Variants in LRRC69 observed in about 807,000 individuals in gnomAD.
The protein encoded by LRRC69 is leucine-rich repeat-containing protein 69.
In LRRC69, 42 loss-of-function variants were observed where a neutral mutation model predicts 37.8. The ratio of observed to expected loss-of-function variants is 1.11; its 90% confidence interval spans 0.87 to 1.44. The LOEUF (loss-of-function observed/expected upper bound fraction) is 1.44. LRRC69 is among the 40% of genes most tolerant of loss of function. LRRC69 has a pLI of 0.00. For synonymous variants in LRRC69, 141 were observed against 143.1 expected (o/e 0.99, Z 0.11); for missense variants, 357 against 401.9 (o/e 0.89, Z 0.96).
chr8:91,115,415 C>G (rs990059330), intron 1 of LRRC69, among the ~76,000 whole-genome samples: 2 of 152,032 alleles, frequency 1.3e-5, no homozygotes, highest in Admixed American at 1.3e-4. Flanking sequence ...TCAGTAGTGA[C>G]AGTCCAGCCA....
exon 1 of LRRC69, chr8:91,102,727 T>C (rs1813241854): frequency 1.9e-6 from 3 of 1,551,756 alleles, no homozygotes; most frequent in Non-Finnish European, 1.7e-6. Context: ...TTACTTTGAA[T>C]GGGAAGAAGA....
chr8:91,159,256 C>T (rs1808892330), intron 5 of LRRC69, among the ~76,000 whole-genome samples: 1 of 151,130 alleles, frequency 6.6e-6, no homozygotes, highest in African/African-American at 2.4e-5. Context: ...GTTTTGTGAA[C>T]CCCTGAAGGG....
intron 7 of LRRC69, among the ~76,000 whole-genome samples, chr8:91,201,134 T>A (rs186893487): frequency 6.6e-6 from 1 of 152,194 alleles, no homozygotes; most frequent in Admixed American, 6.5e-5. Flanking sequence ...TAGTCTGTCA[T>A]GGAATTCTTG....
At chr8:91,146,927 G>A (rs1427139663) in intron 5 of LRRC69, among the ~76,000 whole-genome samples, 1 of 151,550 alleles carries the variant, frequency 6.6e-6, no homozygotes, top group Non-Finnish European at 1.5e-5. Context: ...CCTGCTAAAT[G>A]TTCTGTAATG....
chr8:91,154,841 C>T (rs921652291), intron 5 of LRRC69, among the ~76,000 whole-genome samples: 6 of 151,466 alleles, frequency 4.0e-5, no homozygotes, highest in African/African-American at 9.7e-5. Flanking sequence ...TCTCACCACT[C>T]GTATTCAATG....
chr8:91,177,432 T>A (rs1396992872), intron 5 of LRRC69, among the ~76,000 whole-genome samples: 1 of 152,182 alleles, frequency 6.6e-6, no homozygotes, highest in Non-Finnish European at 1.5e-5. Context: ...TTACTTTATT[T>A]GTATCAAATA....
intron 5 of LRRC69, chr8:91,157,888 G>A: frequency 6.3e-7 from 1 of 1,589,156 alleles, no homozygotes; most frequent in Non-Finnish European, 8.6e-7. Context: ...ATAAGGGAGA[G>A]TTTTACATAG....
intron 2 of LRRC69, 142 bp downstream of exon 2, chr8:91,124,761 G>C (rs1167786661): frequency 3.1e-6 from 2 of 653,334 alleles, no homozygotes; most frequent in Non-Finnish European, 4.9e-6. Flanking sequence ...TGAAATATAG[G>C]AGGAGACAAC....
At position 91,186,461 on chromosome 8, in the gene LRRC69, T is replaced by TAA. The variant is rs879622530; in HGVS notation, c.652-3061_652-3060insAA. Among the ~76,000 whole-genome samples the TAA allele has an allele frequency of 5.6e-3, 857 of 152,196 alleles. 4 individuals are homozygous for TAA. The highest frequency in any genetic ancestry group is 9.3e-3 in the Non-Finnish European group (634 of 67,990). On this transcript the variant is annotated intron_variant, in intron 5 of 7. Coordinates refer to ENST00000448384, the Ensembl canonical transcript of LRRC69. ...AAGGGTATGGCATGAGTCATAACTGTGAGATAAGATACAGGCCTGTCATGA... is the reference window on the plus strand; with the variant it reads ...AAGGGTATGGCATGAGTCATAACTGTAAGAGATAAGATACAGGCCTGTCATGA...
intron 5 of LRRC69, among the ~76,000 whole-genome samples, chr8:91,159,902 A>T (rs1273800978): frequency 6.6e-6 from 1 of 151,018 alleles, no homozygotes; most frequent in Non-Finnish European, 1.5e-5. Context: ...AATGATTGTC[A>T]TGTCTCCAAC....
intron 5 of LRRC69, among the ~76,000 whole-genome samples, chr8:91,147,458 C>T (rs551116350): frequency 8.0e-4 from 121 of 151,072 alleles, no homozygotes; most frequent in African/African-American, 2.5e-3. Context: ...TTGTTTGAGA[C>T]GAGGTCTCAC....
intron 5 of LRRC69, among the ~76,000 whole-genome samples, chr8:91,176,115 C>CAT (rs1220622429): frequency 9.8e-6 from 1 of 102,334 alleles, no homozygotes; most frequent in African/African-American, 4.1e-5. Context: ...CACCATCCCT[C>CAT]ATATATATAT....
intron 5 of LRRC69, among the ~76,000 whole-genome samples, chr8:91,144,523 T>C (rs1808583467): frequency 6.6e-6 from 1 of 152,006 alleles, no homozygotes; most frequent in South Asian, 2.1e-4. Flanking sequence ...TTTGGTTTGT[T>C]TGCCAGACCA....
intron 1 of LRRC69, among the ~76,000 whole-genome samples, chr8:91,112,067 T>C (rs1813417969): frequency 6.6e-6 from 1 of 151,886 alleles, no homozygotes; most frequent in African/African-American, 2.4e-5. Flanking sequence ...AACCAAGATA[T>C]TGTTAGTATT....
intron 5 of LRRC69, among the ~76,000 whole-genome samples, chr8:91,160,282 C>T (rs773232594): frequency 6.0e-5 from 9 of 148,788 alleles, no homozygotes; most frequent in Admixed American, 2.0e-4. Flanking sequence ...GGTTTTTTGG[C>T]GGAATCTTTA....
At chr8:91,190,638 A>G (rs1586275374) in intron 6 of LRRC69, among the ~76,000 whole-genome samples, 1 of 152,298 alleles carries the variant, frequency 6.6e-6, no homozygotes, top group South Asian at 2.1e-4. Flanking sequence ...AAACCAGACC[A>G]TGACATCTTT....
intron 5 of LRRC69, among the ~76,000 whole-genome samples, chr8:91,184,305 A>T (rs1309498257): frequency 6.6e-6 from 1 of 152,052 alleles, no homozygotes; most frequent in Non-Finnish European, 1.5e-5. Flanking sequence ...GAATTTAAAT[A>T]ATTCTGAGAA....
At chr8:91,164,469 G>A (rs565791839) in intron 5 of LRRC69, among the ~76,000 whole-genome samples, 1 of 151,714 alleles carries the variant, frequency 6.6e-6, no homozygotes, top group East Asian at 2.0e-4. Context: ...GTCCATCGTA[G>A]AAGGCTACTC....
chr8:91,196,339 C>T (rs879289009), intron 6 of LRRC69, among the ~76,000 whole-genome samples: 28 of 151,748 alleles, frequency 1.8e-4, no homozygotes, highest in Non-Finnish European at 2.6e-4. Context: ...TTGCTCTTCT[C>T]GAGGAGTATC....
Sources: allele counts gnomAD v4.1 joint callset (sites outside exome capture counted in the v4.1 genomes callset), GRCh38; gene constraint gnomAD v4.1.1; transcripts MANE v1.5; gene names NCBI Gene and HGNC (gene_info 2026-07-23, HGNC 2026-07-21).